The following POLE2 variants were observed in gnomAD, a reference collection of about 807,000 sequenced individuals.
POLE2 encodes the protein DNA polymerase epsilon subunit 2.
In POLE2, 56 loss-of-function variants were observed where a neutral mutation model predicts 79.4. That is an observed-to-expected ratio of 0.71 (90% CI 0.57 to 0.88). The LOEUF is 0.88. Among genes scored for constraint, POLE2 ranks in the 40% least tolerant of loss-of-function variants. The pLI is 0.00. For missense variants in POLE2, 598 were observed against 638.9 expected, an observed-to-expected ratio of 0.94 and a Z score of 0.69; for synonymous variants, 212 against 214.0, an observed-to-expected ratio of 0.99 and a Z score of 0.08.
chr14:49,643,687 AAATT>A lies in POLE2; in HGVS notation c.1566-21_1566-18del. 1 of 1,306,062 alleles carries A rather than the reference AAATT, an allele frequency of 7.7e-7. No individual in the cohort carries two copies. The highest frequency in any genetic ancestry group is 2.3e-5 in the East Asian group (1 of 42,940). 80.9% of individuals were successfully genotyped at this position (1,306,062 alleles called of 1,614,324 possible). On this transcript the variant is annotated intron_variant, in intron 18 of 18. Transcript: ENST00000216367. The stretch of plus-strand genomic sequence containing the variant: ...TGAAGTTTGCTGAAAATAGAAAAAA[AAATT>A]AAATATTTGGAAACCTAAGTTGTAT...
intron 17 of POLE2, among the ~76,000 whole-genome samples, chr14:49,647,713 C>G (rs1883887262): frequency 6.6e-6 from 1 of 152,178 alleles, no homozygotes; most frequent in Non-Finnish European, 1.5e-5. Flanking sequence ...TCACCTCGGC[C>G]TCTCAGAGTG....
chr14:49,669,820 T>C (rs1885747212), intron 5 of POLE2, among the ~76,000 whole-genome samples: 3 of 152,194 alleles, frequency 2.0e-5, no homozygotes, highest in Admixed American at 6.5e-5. Flanking sequence ...CTATTGTGTG[T>C]ATGGCAGCAG....
chr14:49,644,552 A>T (rs552928827), intron 18 of POLE2, among the ~76,000 whole-genome samples: 16 of 151,774 alleles, frequency 1.1e-4, no homozygotes, highest in African/African-American at 3.9e-4. Context: ...AAGCACATGT[A>T]TATGTGGGCT....
Position 49,655,664 on chromosome 14 carries a change from G to T in POLE2, c.928+7C>A. ...GTTCAAGAAAGAAGAAAAAAAATAA[G>T]ACCTACCAGCAAACATTATGCGAAG... is the stretch of plus-strand genomic sequence containing the variant. On this transcript the variant is annotated splice_region_variant and intron_variant, in intron 11 of 18. Transcript: ENST00000216367. 6.3e-7 allele frequency: 1 copy of T among 1,592,618 alleles called. No individual in the cohort carries two copies. Among genetic ancestry groups the T allele is most frequent in the South Asian group, 1.1e-5 (1 of 87,520 alleles).
intron 10 of POLE2, among the ~76,000 whole-genome samples, chr14:49,658,364 C>T (rs1399318980): frequency 6.6e-6 from 1 of 152,188 alleles, no homozygotes; most frequent in Non-Finnish European, 1.5e-5. Flanking sequence ...GCCTGAGCCA[C>T]CGCGCCCGGC....
chr14:49,680,862 A>G (rs930555751), intron 2 of POLE2, among the ~76,000 whole-genome samples: 1 of 151,790 alleles, frequency 6.6e-6, no homozygotes, highest in Admixed American at 6.6e-5. Context: ...CGATCTCCTG[A>G]CCTCGTGATC....
chr14:49,646,453 G>T (rs1005856622), intron 18 of POLE2: 1 of 151,656 alleles, frequency 6.6e-6, no homozygotes, highest in Admixed American at 6.6e-5. Context: ...CTCCTGAGTA[G>T]CTGGGATTAC....
At chr14:49,671,618 GAA>G (rs71115391) in intron 5 of POLE2, among the ~76,000 whole-genome samples, 2 of 58,700 alleles carry the variant, frequency 3.4e-5, no homozygotes, top group Admixed American at 2.3e-4. Flanking sequence ...CTCTGCCTCA[GAA>G]AAAAAAAAAA....
intron 15 of POLE2, among the ~76,000 whole-genome samples, chr14:49,652,882 G>C (rs1884377021): frequency 6.6e-6 from 1 of 152,010 alleles, no homozygotes; most frequent in Non-Finnish European, 1.5e-5. Context: ...TCTCCCATAA[G>C]ATCAGTCCCT....
intron 2 of POLE2, among the ~76,000 whole-genome samples, chr14:49,680,485 A>G (rs1566569856): frequency 1.3e-5 from 2 of 152,222 alleles, no homozygotes; most frequent in African/African-American, 4.8e-5. Flanking sequence ...GCATTGAGTA[A>G]ATGTGTGGCA....
At chr14:49,686,408 G>A (rs1887140071) in intron 1 of POLE2, among the ~76,000 whole-genome samples, 1 of 152,180 alleles carries the variant, frequency 6.6e-6, no homozygotes, top group Non-Finnish European at 1.5e-5. Context: ...CCAACAGCCT[G>A]CCAGGCAATC....
chr14:49,662,894 G>A (rs1485117198), intron 10 of POLE2, among the ~76,000 whole-genome samples: 1 of 152,202 alleles, frequency 6.6e-6, no homozygotes, highest in Non-Finnish European at 1.5e-5. Context: ...TTTTGGAATA[G>A]CTCTAATATT....
chr14:49,674,105 G>GC lies in POLE2; in HGVS notation c.417+17dup. On this transcript the variant is annotated intron_variant, in intron 5 of 18. Transcript: ENST00000216367. ...CATTTTACCCAGTATCCTCCCCTCCGCCCCCTACCAAACTTACCTGGTGCA... is the reference window on the plus strand; with the variant it reads ...CATTTTACCCAGTATCCTCCCCTCCGCCCCCCTACCAAACTTACCTGGTGCA... 7.1e-7 allele frequency: 1 copy of GC among 1,403,108 alleles called. No homozygotes were observed. The highest frequency in any genetic ancestry group is 1.2e-5 in the South Asian group (1 of 86,778). 86.9% of individuals were successfully genotyped at this position (1,403,108 alleles called of 1,614,324 possible).
At chr14:49,665,248 GAATAC>G (rs1566549561) in intron 7 of POLE2, 85 bp from the exon 8 acceptor site, 1 of 674,524 alleles carries the variant, frequency 1.5e-6, no homozygotes, top group South Asian at 1.7e-5. Flanking sequence ...TTTGACAACA[GAATAC>G]AATAGGGAGA....
chr14:49,643,860 A>G (rs1242124788), intron 18 of POLE2, among the ~76,000 whole-genome samples, 190 bp from the exon 19 acceptor site: 1 of 150,052 alleles, frequency 6.7e-6, no homozygotes, highest in Non-Finnish European at 1.5e-5. Context: ...CTGCTCCCAA[A>G]AAGCAAATGT....
chr14:49,663,152 T>C (rs1885206697), intron 10 of POLE2, among the ~76,000 whole-genome samples, 163 bp downstream of exon 10: 1 of 152,226 alleles, frequency 6.6e-6, no homozygotes, highest in African/African-American at 2.4e-5. Context: ...AGTTTTCACA[T>C]TACATACAAA....
At chr14:49,680,177 C>T (rs1886598994) in intron 2 of POLE2, among the ~76,000 whole-genome samples, 1 of 152,102 alleles carries the variant, frequency 6.6e-6, no homozygotes, top group African/African-American at 2.4e-5. Flanking sequence ...TGGTGAAACC[C>T]CTTCTCTACA....
chr14:49,649,701 G>A (rs1224173825), intron 17 of POLE2, among the ~76,000 whole-genome samples: 11 of 151,912 alleles, frequency 7.2e-5, no homozygotes, highest in Admixed American at 2.0e-4. Context: ...CACCCACCTC[G>A]GCCTCCCAAA....
At chr14:49,644,604 A>G (rs942575721) in intron 18 of POLE2, among the ~76,000 whole-genome samples, 2 of 152,106 alleles carry the variant, frequency 1.3e-5, no homozygotes, top group Non-Finnish European at 2.9e-5. Flanking sequence ...TATTATGCAT[A>G]CTTTCTACAC....
Sources: allele counts gnomAD v4.1 joint callset (sites outside exome capture counted in the v4.1 genomes callset), GRCh38; gene constraint gnomAD v4.1.1; transcripts MANE v1.5; gene names NCBI Gene and HGNC (gene_info 2026-07-23, HGNC 2026-07-21).